Variants in HMGCLL1 observed in about 807,000 individuals in gnomAD.
HMGCLL1 encodes the protein 3-hydroxymethyl-3-methylglutaryl-CoA lyase, cytoplasmic.
A neutral mutation model predicts 39.1 loss-of-function variants in HMGCLL1; 36 were observed. The ratio of observed to expected loss-of-function variants is 0.92; its 90% CI spans 0.71 to 1.22. The LOEUF (loss-of-function observed/expected upper bound fraction) is 1.22, where lower values mean the gene tolerates loss of function less well. HMGCLL1 is among the 50% of genes most tolerant of loss of function. The pLI is 0.00. For synonymous variants in HMGCLL1, 149 were observed against 144.0 expected (o/e 1.03, Z -0.25); for missense variants, 451 against 416.5 (o/e 1.08, Z -0.72).
chr6:55,555,873 A>G (rs113432085), intron 1 of HMGCLL1, among the ~76,000 whole-genome samples: 20 of 152,324 alleles, frequency 1.3e-4, no homozygotes, highest in African/African-American at 4.3e-4. Context: ...TCTTTTAAAC[A>G]GTAGGTCCCA....
the HMGCLL1 span, among the ~76,000 whole-genome samples, chr6:55,653,812 T>G: frequency 6.6e-6 from 1 of 151,860 alleles, no homozygotes; most frequent in Non-Finnish European, 1.5e-5. Context: ...ACTTCCAGCA[T>G]AGCACCAAAG....
the HMGCLL1 span, among the ~76,000 whole-genome samples, chr6:55,612,124 C>A: frequency 1.2e-4 from 18 of 152,186 alleles, no homozygotes; most frequent in Non-Finnish European, 2.1e-4. Flanking sequence ...AATCAATGTA[C>A]AAAAATCACA....
the HMGCLL1 span, among the ~76,000 whole-genome samples, chr6:55,626,940 A>G: frequency 6.7e-6 from 1 of 149,560 alleles, no homozygotes; most frequent in African/African-American, 2.5e-5. Flanking sequence ...GTCTCTTAGT[A>G]TTACTATGCC....
chr6:55,467,815 C>A (rs1764857094), intron 7 of HMGCLL1, among the ~76,000 whole-genome samples: 1 of 151,966 alleles, frequency 6.6e-6, no homozygotes, highest in Non-Finnish European at 1.5e-5. Context: ...CTGTGATGCA[C>A]AGCCTTTCTC....
chr6:55,678,047 T>C, the HMGCLL1 span, among the ~76,000 whole-genome samples: 1 of 152,180 alleles, frequency 6.6e-6, no homozygotes, highest in African/African-American at 2.4e-5. Context: ...CAGACTCTTC[T>C]CATAATACCA....
At chr6:55,553,144 T>A (rs868035895) in intron 1 of HMGCLL1, among the ~76,000 whole-genome samples, 3,992 of 87,630 alleles carry the variant, frequency 0.046, 68 homozygotes, top group African/African-American at 0.079. Context: ...ACTCCATCTC[T>A]CTCTCTCTCT....
chr6:55,658,555 T>A, the HMGCLL1 span, among the ~76,000 whole-genome samples: 1 of 151,860 alleles, frequency 6.6e-6, no homozygotes, highest in Non-Finnish European at 1.5e-5. Context: ...TACTGTATTA[T>A]GTATATATCT....
intron 5 of HMGCLL1, among the ~76,000 whole-genome samples, chr6:55,507,742 G>A (rs1242576922): frequency 4.0e-5 from 6 of 151,518 alleles, no homozygotes; most frequent in African/African-American, 1.5e-4. Context: ...TGTGCAATTT[G>A]TTCTCTTATG....
intron 1 of HMGCLL1, among the ~76,000 whole-genome samples, chr6:55,569,615 G>T (rs1165939756): frequency 6.6e-6 from 1 of 152,066 alleles, no homozygotes. Flanking sequence ...ATTATTGTAA[G>T]GATTAAATGA....
At chr6:55,492,038 T>C (rs572374779) in intron 7 of HMGCLL1, among the ~76,000 whole-genome samples, 113 of 152,238 alleles carry the variant, frequency 7.4e-4, no homozygotes, top group African/African-American at 2.6e-3. Context: ...TAACTTTCAT[T>C]TGTTTCCTAT....
At chr6:55,468,776 G>T (rs903884763) in intron 7 of HMGCLL1, among the ~76,000 whole-genome samples, 4 of 151,914 alleles carry the variant, frequency 2.6e-5, no homozygotes, top group African/African-American at 9.7e-5. Flanking sequence ...GGCAGTGCTT[G>T]TAACTACTAT....
intron 6 of HMGCLL1, among the ~76,000 whole-genome samples, chr6:55,498,028 T>C (rs964036289): frequency 2.6e-5 from 4 of 152,112 alleles, no homozygotes; most frequent in Non-Finnish European, 1.5e-5. Context: ...AAAAGGCCCC[T>C]TTAAAGTTTC....
upstream of HMGCLL1, among the ~76,000 whole-genome samples, chr6:55,581,679 T>A (rs1006346755): frequency 5.9e-5 from 9 of 152,040 alleles, no homozygotes; most frequent in Admixed American, 5.9e-4. Flanking sequence ...TCTTGCAATA[T>A]AACAGGTTAG....
chr6:55,498,191 A>T (rs561728742), intron 6 of HMGCLL1, among the ~76,000 whole-genome samples: 2 of 152,244 alleles, frequency 1.3e-5, no homozygotes, highest in South Asian at 4.1e-4. Context: ...GCAAAGGTGG[A>T]TCCAGGTTTT....
intron 4 of HMGCLL1, among the ~76,000 whole-genome samples, chr6:55,514,635 T>C (rs772388315): frequency 6.6e-6 from 1 of 152,134 alleles, no homozygotes; most frequent in African/African-American, 2.4e-5. Context: ...CAGAAAAATA[T>C]TTTTCCAATT....
the HMGCLL1 span, among the ~76,000 whole-genome samples, chr6:55,635,263 A>G: frequency 2.6e-5 from 4 of 152,128 alleles, no homozygotes; most frequent in Admixed American, 1.3e-4. Flanking sequence ...GGTAGGGTAA[A>G]TAGACAACTG....
the HMGCLL1 span, among the ~76,000 whole-genome samples, chr6:55,660,144 G>T: frequency 6.6e-6 from 1 of 151,744 alleles, no homozygotes; most frequent in Admixed American, 6.6e-5. Context: ...CTGCATTACT[G>T]AATAATATTT....
chr6:55,543,596 AT>A (rs78071444), intron 1 of HMGCLL1, among the ~76,000 whole-genome samples: 966 of 59,598 alleles, frequency 0.016, 13 homozygotes, highest in African/African-American at 0.044. Context: ...ATATATATAT[AT>A]TTTTTTGCCA....
the HMGCLL1 span, among the ~76,000 whole-genome samples, chr6:55,670,909 C>A: frequency 6.6e-6 from 1 of 151,544 alleles, no homozygotes. Context: ...AAAGCATGAC[C>A]CAACCAAACT....
Sources: gnomAD v4.1 joint callset for allele counts (sites outside exome capture counted in the v4.1 genomes callset) on GRCh38, gnomAD v4.1.1 for gene constraint, MANE v1.5 for transcripts, NCBI Gene and HGNC (gene_info 2026-07-23, HGNC 2026-07-21) for gene names.